PECR: variants seen among roughly 807,000 people sequenced by gnomAD.
The protein encoded by PECR is 2,4-dienoyl-CoA reductase-related protein.
In PECR, 30 loss-of-function variants were observed where a neutral mutation model predicts 35.3. The ratio of observed to expected loss-of-function variants is 0.85; its 90% CI spans 0.64 to 1.15. PECR has a LOEUF of 1.15. Ranked by LOEUF, PECR falls within the 50% of genes most tolerant of loss-of-function variation. The pLI is 0.00. For missense variants in PECR, 392 were observed against 370.8 expected, an observed-to-expected ratio of 1.06 and a Z score of -0.47; for synonymous variants, 148 against 138.9, an observed-to-expected ratio of 1.07 and a Z score of -0.46.
downstream of PECR, among the ~76,000 whole-genome samples, chr2:216,033,461 G>T (rs118147231): frequency 4.3e-3 from 653 of 152,100 alleles, 16 homozygotes; most frequent in East Asian, 0.055. Context: ...GTACTTCATG[G>T]AAAGAGAGAA....
chr2:216,044,886 G>A (rs1173917704), intron 6 of PECR, among the ~76,000 whole-genome samples: 1 of 152,130 alleles, frequency 6.6e-6, no homozygotes, highest in Non-Finnish European at 1.5e-5. Context: ...AAAGGGTGAT[G>A]ATCCAAAACA....
At chr2:216,060,350 CCCAAATCTCG>C (rs1695312060) in intron 3 of PECR, among the ~76,000 whole-genome samples, 1 of 152,054 alleles carries the variant, frequency 6.6e-6, no homozygotes, top group South Asian at 2.1e-4. Flanking sequence ...ACATGTAGTA[CCCAAATCTCG>C]CCTTCTAAAA....
At chr2:216,030,940 TCTCTCTCTCTCTCTCTCACACACA>T (rs1208170526) in intron 7 of PECR, among the ~76,000 whole-genome samples, 29 of 72,518 alleles carry the variant, frequency 4.0e-4, no homozygotes, top group South Asian at 8.6e-4. Flanking sequence ...TCTCTCTCTC[TCTCTCTCTCTCTCTCTCACACACA>T]CACACACACA....
chr2:216,047,339 G>A (rs2105947345), intron 6 of PECR, among the ~76,000 whole-genome samples: 1 of 151,826 alleles, frequency 6.6e-6, no homozygotes, highest in South Asian at 2.1e-4. Flanking sequence ...TCACCAAACT[G>A]ATAATAAAAG....
At chr2:216,037,839 A>G (rs1381335735), downstream of PECR, among the ~76,000 whole-genome samples, 1 of 151,942 alleles carries the variant, frequency 6.6e-6, no homozygotes, top group African/African-American at 2.4e-5. Flanking sequence ...AATCCCAGCA[A>G]TTTGGGAGGC....
chr2:216,080,931 G>A (rs1177888934), intron 1 of PECR, among the ~76,000 whole-genome samples: 2 of 152,146 alleles, frequency 1.3e-5, no homozygotes, highest in Non-Finnish European at 2.9e-5. Flanking sequence ...CAAGGCAGGA[G>A]GATCCCTTGA....
At chr2:216,071,221 C>T (rs1370436116) in intron 1 of PECR, among the ~76,000 whole-genome samples, 1 of 152,180 alleles carries the variant, frequency 6.6e-6, no homozygotes. Context: ...CTTATCCCCA[C>T]GTCAGTAAAT....
chr2:216,037,436 T>A (rs1694813127), downstream of PECR, among the ~76,000 whole-genome samples: 1 of 152,274 alleles, frequency 6.6e-6, no homozygotes, highest in Admixed American at 6.5e-5. Flanking sequence ...GCCTTTTCCA[T>A]CTTCTCCACC....
downstream of PECR, among the ~76,000 whole-genome samples, chr2:216,035,240 A>G (rs1694774615): frequency 6.6e-6 from 1 of 152,198 alleles, no homozygotes; most frequent in Admixed American, 6.5e-5. Flanking sequence ...TGACCCGTGC[A>G]GTGCAGACTG....
intron 1 of PECR, among the ~76,000 whole-genome samples, chr2:216,071,245 A>G (rs925506329): frequency 6.6e-6 from 1 of 152,178 alleles, no homozygotes; most frequent in African/African-American, 2.4e-5. Context: ...CCAAAACAGA[A>G]GCAAAGGCTT....
intron 4 of PECR, among the ~76,000 whole-genome samples, chr2:216,058,585 G>A (rs1695275420): frequency 6.6e-6 from 1 of 152,162 alleles, no homozygotes; most frequent in Middle Eastern, 3.4e-3. Context: ...AGACAGTGAT[G>A]GCCAGTTTAG....
At chr2:216,050,301 G>A (rs1695082607) in intron 5 of PECR, among the ~76,000 whole-genome samples, 1 of 152,148 alleles carries the variant, frequency 6.6e-6, no homozygotes, top group Non-Finnish European at 1.5e-5. Flanking sequence ...TGGAGAGAAG[G>A]GGCGGAAAGA....
intron 1 of PECR, among the ~76,000 whole-genome samples, chr2:216,074,214 G>A (rs759744176): frequency 6.6e-6 from 1 of 152,192 alleles, no homozygotes; most frequent in African/African-American, 2.4e-5. Flanking sequence ...GGAGGCCAAG[G>A]CCGGTGGATC....
chr2:216,065,626 A>G (rs936788004), intron 2 of PECR, 149 bp from the exon 3 acceptor site: 1 of 671,244 alleles, frequency 1.5e-6, no homozygotes, highest in African/African-American at 1.8e-5. Flanking sequence ...GCAGCAATGA[A>G]TAAGACTAAA....
chr2:216,033,363 G>A (rs1331655771), intron 7 of PECR, among the ~76,000 whole-genome samples: 5 of 151,986 alleles, frequency 3.3e-5, no homozygotes, highest in African/African-American at 4.8e-5. Context: ...AAATTCCTCC[G>A]CTGTCTCAAT....
chr2:216,047,513 T>C (rs1183445768), intron 6 of PECR, among the ~76,000 whole-genome samples: 1 of 152,204 alleles, frequency 6.6e-6, no homozygotes, highest in Non-Finnish European at 1.5e-5. Context: ...TGTTTTATCC[T>C]TTCCTTACAG....
intron 3 of PECR, among the ~76,000 whole-genome samples, chr2:216,061,015 G>A (rs775297293): frequency 4.6e-5 from 7 of 151,334 alleles, no homozygotes; most frequent in East Asian, 1.9e-4. Flanking sequence ...GGAATGAGCC[G>A]GGAGCAGTGC....
chr2:216,030,948 TCTCTCTCTCACACACACA>T (rs1163299569), intron 7 of PECR, among the ~76,000 whole-genome samples: 2 of 97,328 alleles, frequency 2.1e-5, no homozygotes, highest in African/African-American at 4.1e-5. Flanking sequence ...TCTCTCTCTC[TCTCTCTCTCACACACACA>T]CACACACACA....
chr2:216,055,395 C>T (rs1302365076), intron 4 of PECR, among the ~76,000 whole-genome samples: 3 of 150,728 alleles, frequency 2.0e-5, no homozygotes, highest in Admixed American at 2.0e-4. Flanking sequence ...TGCGATAGTG[C>T]CATTGCACTC....
Sources: gnomAD v4.1 joint callset for allele counts (sites outside exome capture counted in the v4.1 genomes callset) on GRCh38, gnomAD v4.1.1 for gene constraint, MANE v1.5 for transcripts, NCBI Gene and HGNC (gene_info 2026-07-23, HGNC 2026-07-21) for gene names.